Variants in CSMD3 observed in about 807,000 individuals in gnomAD.
The protein encoded by CSMD3 is CUB and sushi domain-containing protein 3.
CSMD3 carries 177 observed loss-of-function variants against 435.2 expected under a neutral mutation model. The observed-to-expected ratio is 0.41, with a 90% CI of 0.36 to 0.46. The LOEUF is 0.46. Ranked by LOEUF, CSMD3 falls within the 20% of genes least tolerant of loss-of-function variation. The probability of loss-of-function intolerance (pLI) is 0.34; values close to 1 mark genes in which losing one functional copy is unlikely to be tolerated. For synonymous variants in CSMD3, 1,656 were observed against 1,520.5 expected, an observed-to-expected ratio of 1.09 and a Z score of -2.07; for missense variants, 4,265 against 4,504.6, an observed-to-expected ratio of 0.95 and a Z score of 1.52.
chr8:112,378,030 T>C lies in CSMD3; in HGVS notation c.6136+2322A>G, dbSNP rs578041759. 3.6e-4 allele frequency among the ~76,000 whole-genome samples: 54 copies of C among 152,052 alleles called. No homozygotes were observed. The South Asian group carries it at 0.011, about 31-fold the overall frequency. On this transcript the variant is annotated intron_variant, in intron 38 of 70. Coordinates refer to ENST00000297405, the MANE Select transcript of CSMD3 (RefSeq NM_198123.2). The stretch of plus-strand genomic sequence containing the variant: ...AGACAAGAAATAGAAATAAAAGGCA[T>C]CCAAGTGAAAAAGGAAGAATTAAAA...
intron 19 of CSMD3, among the ~76,000 whole-genome samples, chr8:112,649,304 T>C (rs1342182331): frequency 1.3e-5 from 2 of 152,204 alleles, no homozygotes; most frequent in African/African-American, 4.8e-5. Flanking sequence ...AATCACAAAT[T>C]AAAGGAAGAT....
Position 112,917,079 on chromosome 8 carries a change from T to G in CSMD3, c.1633+4548A>C, listed in dbSNP as rs76309330. ...TATAAAGAAAGGAATTGAACCTCAT[T>G]TAGATTGTTTTATTCTATCAACAGT... is the stretch of plus-strand genomic sequence containing the variant. On this transcript the variant is annotated intron_variant, in intron 10 of 70. Transcript: ENST00000297405. 2.9e-3 allele frequency among the ~76,000 whole-genome samples: 438 copies of G among 152,034 alleles called. 4 individuals carry two copies. The highest frequency in any genetic ancestry group is 1.0e-2 in the African/African-American group (414 of 41,532).
At chr8:112,281,093 T>C in intron 59 of CSMD3, 81 bp downstream of exon 59, 2 of 1,107,624 alleles carry the variant, frequency 1.8e-6, no homozygotes, top group Non-Finnish European at 1.3e-6. Context: ...TTTTATTAAT[T>C]ACAAAACACA....
intron 16 of CSMD3, among the ~76,000 whole-genome samples, chr8:112,680,092 T>A (rs765669581): frequency 8.5e-5 from 13 of 152,258 alleles, no homozygotes; most frequent in Non-Finnish European, 1.5e-4. Context: ...TGGTGGCTCG[T>A]GCCTGTAATC....
intron 36 of CSMD3, among the ~76,000 whole-genome samples, chr8:112,389,364 C>T (rs748676082): frequency 2.6e-5 from 4 of 152,278 alleles, no homozygotes; most frequent in South Asian, 4.1e-4. Flanking sequence ...ATCCTCTATA[C>T]AAGCTGGAGC....
intron 10 of CSMD3, among the ~76,000 whole-genome samples, chr8:112,912,296 C>T (rs1196625171): frequency 6.6e-6 from 1 of 151,190 alleles, no homozygotes; most frequent in East Asian, 2.0e-4. Flanking sequence ...ATTGCTGGAT[C>T]ATATGGTAAT....
At chr8:112,477,078 T>G (rs949672353) in intron 31 of CSMD3, among the ~76,000 whole-genome samples, 2 of 152,220 alleles carry the variant, frequency 1.3e-5, no homozygotes, top group Non-Finnish European at 2.9e-5. Context: ...TATAAAATAA[T>G]GTTCTGTAGT....
intron 3 of CSMD3, among the ~76,000 whole-genome samples, chr8:113,177,304 A>T (rs1250712894): frequency 6.6e-6 from 1 of 151,926 alleles, no homozygotes; most frequent in African/African-American, 2.4e-5. Flanking sequence ...AAACAGATTT[A>T]TAAGTATAAT....
intron 1 of CSMD3, among the ~76,000 whole-genome samples, chr8:113,363,239 C>T (rs186212448): frequency 6.6e-4 from 100 of 151,962 alleles, no homozygotes; most frequent in African/African-American, 2.3e-3. Context: ...TTCTTAGATA[C>T]GACAAAACAT....
chr8:113,238,498 G>C (rs966912675), intron 3 of CSMD3, among the ~76,000 whole-genome samples: 2 of 152,074 alleles, frequency 1.3e-5, no homozygotes, highest in East Asian at 3.9e-4. Context: ...CATCCTGATA[G>C]GCAGTATCAG....
At chr8:113,090,082 G>A (rs919353721) in intron 5 of CSMD3, among the ~76,000 whole-genome samples, 7 of 151,930 alleles carry the variant, frequency 4.6e-5, no homozygotes, top group Non-Finnish European at 7.4e-5. Context: ...TTAATGTTTC[G>A]CTTTTATGCT....
intron 68 of CSMD3, among the ~76,000 whole-genome samples, chr8:112,231,874 A>G (rs1052477351): frequency 6.6e-6 from 1 of 152,240 alleles, no homozygotes; most frequent in Non-Finnish European, 1.5e-5. Context: ...AATGTATGAT[A>G]TAGACATCTG....
At chr8:113,209,339 G>A (rs1261149351) in intron 3 of CSMD3, among the ~76,000 whole-genome samples, 2 of 152,078 alleles carry the variant, frequency 1.3e-5, no homozygotes, top group Non-Finnish European at 2.9e-5. Flanking sequence ...ATTATACTAT[G>A]GTACATGACT....
At chr8:113,211,208 T>C (rs147927251) in intron 3 of CSMD3, among the ~76,000 whole-genome samples, 137 of 152,322 alleles carry the variant, frequency 9.0e-4, no homozygotes, top group African/African-American at 3.1e-3. Flanking sequence ...TTTAAATACA[T>C]AATAGAGAAT....
intron 2 of CSMD3, among the ~76,000 whole-genome samples, chr8:113,296,287 A>G (rs541160189): frequency 1.6e-5 from 1 of 62,750 alleles, no homozygotes; most frequent in South Asian, 6.5e-4. Context: ...CCTAGAACTT[A>G]AAGTATAATA....
chr8:112,313,909 T>C lies in CSMD3; in HGVS notation c.7693A>G (p.Ile2565Val), dbSNP rs774546560. The C allele has an allele frequency of 6.2e-7, 1 of 1,609,464 alleles. No homozygotes were observed. The highest frequency in any genetic ancestry group is 2.2e-5 in the East Asian group (1 of 44,664). ...NNKKGFRIRY[I>V]AFYCSTPESP... ...TGAAGTTATAAGTTTTACATACCTA[T>C]ATATCTTATCCGGAAGCCTTTTTTG... is the stretch of plus-strand genomic sequence containing the variant. Residue 2565 changes from isoleucine (I) to valine (V), a missense_variant, in exon 49 of 71, where the codon ATA becomes GTA. By Grantham distance (29) the Ile-to-Val change is conservative. Transcript: ENST00000297405.
chr8:112,694,049 T>C (rs1467717789), intron 13 of CSMD3, among the ~76,000 whole-genome samples: 1 of 105,160 alleles, frequency 9.5e-6, no homozygotes, highest in African/African-American at 4.1e-5. Flanking sequence ...TTTCTTATTG[T>C]TTCATAGTCT....
At chr8:112,995,212 A>T (rs567344579) in intron 6 of CSMD3, among the ~76,000 whole-genome samples, 8 of 151,540 alleles carry the variant, frequency 5.3e-5, no homozygotes, top group African/African-American at 1.9e-4. Flanking sequence ...AGAAAAAAAT[A>T]TGAAGATTGC....
At chr8:112,854,633 C>G (rs1336586114) in intron 11 of CSMD3, among the ~76,000 whole-genome samples, 3 of 152,140 alleles carry the variant, frequency 2.0e-5, no homozygotes, top group Non-Finnish European at 4.4e-5. Context: ...TACAGACTCA[C>G]AAAGTTTCTT....
Sources: gnomAD v4.1 joint callset for allele counts (sites outside exome capture counted in the v4.1 genomes callset) on GRCh38, gnomAD v4.1.1 for gene constraint, MANE v1.5 for transcripts, NCBI Gene and HGNC (gene_info 2026-07-23, HGNC 2026-07-21) for gene names.